Variants in ATP2B2 observed in about 807,000 individuals in gnomAD.
The protein encoded by ATP2B2 is ATPase plasma membrane Ca2+ transporting 2, also known as plasma membrane calcium-transporting ATPase 2.
In ATP2B2, 15 loss-of-function variants were observed where a neutral mutation model predicts 120.0. The observed-to-expected ratio is 0.12, with a 90% confidence interval of 0.08 to 0.19. The LOEUF (loss-of-function observed/expected upper bound fraction) is 0.19, where lower values mean the gene tolerates loss of function less well. Among genes scored for constraint, ATP2B2 ranks in the 10% least tolerant of loss-of-function variants. The pLI, the probability that ATP2B2 is intolerant of heterozygous loss-of-function variation, is 1.00. For synonymous variants in ATP2B2, 694 were observed against 700.3 expected (o/e 0.99, Z 0.14); for missense variants, 1,045 against 1,719.8 (o/e 0.61, Z 6.94).
At chr3:10,453,704 G>A (rs894222249) in intron 1 of ATP2B2, among the ~76,000 whole-genome samples, 9 of 152,154 alleles carry the variant, frequency 5.9e-5, no homozygotes, top group African/African-American at 1.4e-4. Flanking sequence ...TGATAATTAC[G>A]TCTCTGACAG....
At chr3:10,382,083 T>C (rs1411234750) in intron 8 of ATP2B2, among the ~76,000 whole-genome samples, 1 of 152,068 alleles carries the variant, frequency 6.6e-6, no homozygotes, top group Non-Finnish European at 1.5e-5. Flanking sequence ...TGGAGTGCAG[T>C]GGCGTGATCT....
intron 5 of ATP2B2, among the ~76,000 whole-genome samples, chr3:10,394,963 A>G (rs148733675): frequency 2.0e-5 from 3 of 152,128 alleles, no homozygotes; most frequent in Admixed American, 6.5e-5. Flanking sequence ...AGGCTCCTGC[A>G]TGGGGGCTAC....
At chr3:10,419,621 C>T (rs1036520876) in intron 2 of ATP2B2, among the ~76,000 whole-genome samples, 1 of 152,222 alleles carries the variant, frequency 6.6e-6, no homozygotes, top group Non-Finnish European at 1.5e-5. Context: ...GGGCCTTGGG[C>T]TGTCTCACTT....
At chr3:10,538,575 C>T (rs946316755) in intron 2 of ATP2B2, among the ~76,000 whole-genome samples, 12 of 152,130 alleles carry the variant, frequency 7.9e-5, no homozygotes, top group Admixed American at 2.0e-4. Flanking sequence ...GTTCAACATA[C>T]GCAAATCAAT....
intron 2 of ATP2B2, among the ~76,000 whole-genome samples, chr3:10,560,768 C>T (rs1363757686): frequency 6.6e-6 from 1 of 152,166 alleles, no homozygotes; most frequent in African/African-American, 2.4e-5. Flanking sequence ...GGGCTGGATT[C>T]GAGCACATTG....
intron 1 of ATP2B2, among the ~76,000 whole-genome samples, chr3:10,486,340 T>TGTGTGTGTG (rs2065664566): frequency 6.6e-6 from 1 of 151,134 alleles, no homozygotes; most frequent in Non-Finnish European, 1.5e-5. Flanking sequence ...TGTGTGTGTG[T>TGTGTGTGTG]GTGTGTGTGT....
chr3:10,402,877 G>A lies in ATP2B2; in HGVS notation c.398-529C>T, dbSNP rs181575789. On this transcript the variant is annotated intron_variant, in intron 3 of 22. Transcript: ENST00000360273. This position sits in a 1 kb window ranked among gnomAD's most constrained non-coding sequence, Gnocchi z 4.9. Reference sequence around the variant, plus strand: ...GAAAAGAGAATTTTCTCTAATTGATGAGAAAAGACAAGGAATTTTCTCTAA... The same window carrying A: ...GAAAAGAGAATTTTCTCTAATTGATAAGAAAAGACAAGGAATTTTCTCTAA... 6.6e-6 allele frequency among the ~76,000 whole-genome samples: 1 copy of A among 152,234 alleles called. No homozygotes were observed. Among genetic ancestry groups the A allele is most frequent in the Admixed American group, 6.5e-5 (1 of 15,304 alleles).
chr3:10,337,227 G>C (rs532975390), intron 22 of ATP2B2, among the ~76,000 whole-genome samples: 1 of 152,214 alleles, frequency 6.6e-6, no homozygotes, highest in South Asian at 2.1e-4. Flanking sequence ...ACAGAGGGGT[G>C]GGAGGTGACC....
chr3:10,596,161 C>T lies in ATP2B2; in HGVS notation c.-415+23756G>A, dbSNP rs191732210. Among the ~76,000 whole-genome samples the T allele has an allele frequency of 2.8e-3, 420 of 152,304 alleles. 2 individuals carry two copies. The highest frequency in any genetic ancestry group is 3.4e-3 in the Admixed American group (52 of 15,304). Reference sequence around the variant, plus strand: ...TGCTCTTTATCCTTCCCAGCACAGACGCCTGCCAGCACCTTAAAGACCCAT... The same window carrying T: ...TGCTCTTTATCCTTCCCAGCACAGATGCCTGCCAGCACCTTAAAGACCCAT... On this transcript the variant is annotated intron_variant, in intron 2 of 21. Coordinates refer to the ATP2B2 transcript ENST00000646379.
intron 2 of ATP2B2, among the ~76,000 whole-genome samples, chr3:10,609,225 A>G (rs570842647): frequency 1.3e-5 from 2 of 151,794 alleles, no homozygotes; most frequent in South Asian, 4.1e-4. Flanking sequence ...GCTGTAACCC[A>G]GGAGCAGGCC....
chr3:10,337,203 G>A (rs2060141551), intron 22 of ATP2B2, among the ~76,000 whole-genome samples: 1 of 152,234 alleles, frequency 6.6e-6, no homozygotes, highest in South Asian at 2.1e-4. Context: ...ATGAGGTGAG[G>A]TTTGGGACAG....
chr3:10,625,436 T>C (rs961586695), intron 1 of ATP2B2, among the ~76,000 whole-genome samples: 2 of 152,286 alleles, frequency 1.3e-5, no homozygotes, highest in African/African-American at 4.8e-5. Context: ...AGTGATGGGC[T>C]GCCCCTGGCT....
At chr3:10,678,825 T>G (rs1444747388) in intron 1 of ATP2B2, among the ~76,000 whole-genome samples, 1 of 152,118 alleles carries the variant, frequency 6.6e-6, no homozygotes, top group Non-Finnish European at 1.5e-5. Flanking sequence ...ACCCTAAAAA[T>G]CTCCTCCTGG....
chr3:10,401,915 C>T (rs751782421), intron 4 of ATP2B2, among the ~76,000 whole-genome samples, 176 bp downstream of exon 4: 36 of 152,288 alleles, frequency 2.4e-4, no homozygotes, highest in Non-Finnish European at 2.9e-4. Context: ...TGGGATTGTA[C>T]CCCCTCCAGG....
chr3:10,406,861 G>T (rs1220844345), intron 3 of ATP2B2, among the ~76,000 whole-genome samples: 1 of 152,224 alleles, frequency 6.6e-6, no homozygotes, highest in African/African-American at 2.4e-5. Flanking sequence ...TCACTTGCTG[G>T]GAGTTGCTGA....
At chr3:10,405,912 TA>T (rs2062395204) in intron 3 of ATP2B2, among the ~76,000 whole-genome samples, 3 of 152,304 alleles carry the variant, frequency 2.0e-5, no homozygotes, top group South Asian at 4.1e-4. Context: ...AGCAGGGGGT[TA>T]GGGGCACTGA....
chr3:10,540,637 C>T (rs376577381), intron 2 of ATP2B2, among the ~76,000 whole-genome samples: 54 of 145,702 alleles, frequency 3.7e-4, no homozygotes, highest in East Asian at 8.1e-4. Context: ...CCAAACATTG[C>T]GTGTTCTCAC....
In ATP2B2 at chr3:10,342,233, A is replaced by G. The variant is rs904404007; in HGVS notation, c.2917+519T>C. ...TCTGAGCCTTGGTGCCCTCGTTTGTAATGTGGGGTGGAGGCAAATGTGCTT... is the reference window on the plus strand; with the variant it reads ...TCTGAGCCTTGGTGCCCTCGTTTGTGATGTGGGGTGGAGGCAAATGTGCTT... On this transcript the variant is annotated intron_variant, in intron 19 of 22. Coordinates refer to ENST00000360273, the MANE Select transcript of ATP2B2 (RefSeq NM_001001331.4). The surrounding 1 kb of genome is among the most constrained non-coding windows in gnomAD (Gnocchi z 4.4). Among the ~76,000 whole-genome samples, 2 of 152,234 alleles carry G rather than the reference A, an allele frequency of 1.3e-5. No individual in the cohort carries two copies. The highest frequency in any genetic ancestry group is 1.9e-4 in the East Asian group (1 of 5,170).
intron 3 of ATP2B2, among the ~76,000 whole-genome samples, chr3:10,518,143 G>A (rs1162940409): frequency 6.6e-6 from 1 of 152,164 alleles, no homozygotes; most frequent in Non-Finnish European, 1.5e-5. Flanking sequence ...TTGCCAGTCT[G>A]CAAGTTCTAG....
Sources: gnomAD v4.1 joint callset for allele counts (sites outside exome capture counted in the v4.1 genomes callset) on GRCh38, gnomAD v4.1.1 for gene constraint, Gnocchi (gnomAD v3.1) non-coding constraint, MANE v1.5 for transcripts, NCBI Gene and HGNC (gene_info 2026-07-23, HGNC 2026-07-21) for gene names.